The following SMC1B variants were observed in gnomAD, a reference collection of about 807,000 sequenced individuals.
SMC1B encodes structural maintenance of chromosomes 1B, also known as structural maintenance of chromosomes protein 1B.
A neutral mutation model predicts 157.9 loss-of-function variants in SMC1B; 60 were observed. The ratio of observed to expected loss-of-function variants is 0.38; its 90% CI spans 0.31 to 0.47. The LOEUF (loss-of-function observed/expected upper bound fraction) is 0.47, where lower values mean the gene tolerates loss of function less well. Among genes scored for constraint, SMC1B ranks in the 20% least tolerant of loss-of-function variants. SMC1B has a pLI of 0.99. For missense variants in SMC1B, 1,165 were observed against 1,426.2 expected (o/e 0.82, Z 2.95); for synonymous variants, 445 against 483.0 (o/e 0.92, Z 1.03).
At chr22:45,403,601 G>T (rs1425269863) in intron 4 of SMC1B, among the ~76,000 whole-genome samples, 1 of 152,168 alleles carries the variant, frequency 6.6e-6, no homozygotes, top group African/African-American at 2.4e-5. Context: ...AGACAGGCGT[G>T]TGCCACCACA....
In SMC1B at chr22:45,352,549, A is replaced by C; in HGVS notation, c.3327T>G (p.Tyr1109Ter). ...ACCGTTTGCCTGGGGCCACACAGTT[A>C]TAGCTAATTCCCTCCAAGTAAGGTT... is the stretch of plus-strand genomic sequence containing the variant. ...PEEPYLEGISYNCVAPGKRFM... is the reference protein window; with the variant it reads ...PEEPYLEGIS The change falls in exon 22 of 25, where the codon TAT (tyrosine) becomes TAG (stop). Residue 1109 changes from tyrosine (Y) to a stop codon, truncating the protein, a stop_gained. Coordinates refer to ENST00000357450, the MANE Select transcript of SMC1B (RefSeq NM_148674.5). LOFTEE classifies it high-confidence loss of function. 1 of 1,614,044 alleles carries C rather than the reference A, an allele frequency of 6.2e-7. No homozygotes were observed. The highest frequency in any genetic ancestry group is 8.5e-7 in the Non-Finnish European group (1 of 1,179,918).
At chr22:45,392,099 A>C (rs1199806206) in intron 9 of SMC1B, among the ~76,000 whole-genome samples, 1 of 152,094 alleles carries the variant, frequency 6.6e-6, no homozygotes, top group Non-Finnish European at 1.5e-5. Context: ...GGCATGCACC[A>C]CCACGCCCAG....
chr22:45,351,832 G>A (rs1334286526), intron 22 of SMC1B, among the ~76,000 whole-genome samples: 2 of 152,130 alleles, frequency 1.3e-5, no homozygotes, highest in Non-Finnish European at 2.9e-5. Flanking sequence ...CTTAATTGTA[G>A]ATAACTTTTT....
intron 15 of SMC1B, among the ~76,000 whole-genome samples, chr22:45,364,964 AGT>A (rs1569180132): frequency 2.0e-5 from 3 of 151,496 alleles, no homozygotes; most frequent in Admixed American, 2.0e-4. Context: ...CAGCCTCCCA[AGT>A]AGCTGGGACT....
At chr22:45,351,698 TCAC>T (rs2086616930) in intron 22 of SMC1B, among the ~76,000 whole-genome samples, 1 of 152,158 alleles carries the variant, frequency 6.6e-6, no homozygotes, top group African/African-American at 2.4e-5. Flanking sequence ...CAGACATGTG[TCAC>T]CACATCTGGC....
Position 45,383,492 on chromosome 22 carries a change from C to T in SMC1B, c.2033G>A (p.Arg678Gln), listed in dbSNP as rs369549470. ...CTTTAGCTCTTGGATTTTCTGGCTT[C>T]GTCTGTCTCTTAGATTCTTTAACTC... ...EKELKNLRDR[R>Q]SQKIQELKGL... Residue 678 changes from arginine (R) to glutamine (Q), a missense_variant, in exon 12 of 25, where the codon CGA becomes CAA. Arg to Gln is a conservative substitution (Grantham distance 43). Transcript: ENST00000357450. 30 of 1,601,528 alleles carry T rather than the reference C, an allele frequency of 1.9e-5. No individual in the cohort carries two copies. Among genetic ancestry groups the T allele is most frequent in the Non-Finnish European group, 2.3e-5 (27 of 1,176,356 alleles).
chr22:45,405,265 G>C (rs557027570), intron 4 of SMC1B, among the ~76,000 whole-genome samples: 3 of 152,288 alleles, frequency 2.0e-5, no homozygotes, highest in Non-Finnish European at 4.4e-5. Context: ...CGCCTTATAA[G>C]AGACAAGATT....
chr22:45,345,487 G>A lies in SMC1B; in HGVS notation c.3578C>T (p.Ala1193Val), dbSNP rs377608770. The change falls in exon 24 of 25, where the codon GCC (alanine) becomes GTC (valine). Residue 1193 changes from alanine (A) to valine (V), a missense_variant. Transcript: ENST00000357450. ...ISLKEEFYSR[A>V]DALIGIYPEY... ...AGGATAGATGCCGATCAGCGCGTCG[G>A]CTCTGGAATAGAACTCTTCTTTTAG... The A allele has an allele frequency of 5.0e-6, 8 of 1,613,562 alleles. No individual in the cohort carries two copies. Among genetic ancestry groups the A allele is most frequent in the Non-Finnish European group, 6.8e-6 (8 of 1,179,614 alleles).
At position 45,408,731 on chromosome 22, in the gene SMC1B, T is replaced by G; in HGVS notation, c.277A>C (p.Thr93Pro). Reference sequence around the variant, plus strand: ...ATACCTCGGATAATCCTTGCAAATGTTTTCTCTTCGCCACTTTCCTCCACA... The same window carrying G: ...ATACCTCGGATAATCCTTGCAAATGGTTTCTCTTCGCCACTTTCCTCCACA... ...IYVEESGEEK[T>P]FARIIRGGCS... The change falls in exon 2 of 25, where the codon ACA becomes CCA. Residue 93 changes from threonine to proline, a missense_variant. Thr to Pro is a conservative substitution (Grantham distance 38, BLOSUM62 -1). Transcript: ENST00000357450. 1 of 1,594,308 alleles carries G rather than the reference T, an allele frequency of 6.3e-7. No individual in the cohort carries two copies. Among genetic ancestry groups the G allele is most frequent in the Non-Finnish European group, 8.5e-7 (1 of 1,173,832 alleles).
intron 4 of SMC1B, 97 bp from the exon 5 acceptor site, chr22:45,402,668 T>TAAACATTCATTA: frequency 6.1e-6 from 5 of 823,872 alleles, no homozygotes; most frequent in Non-Finnish European, 9.9e-6. Context: ...AACTAATGAA[T>TAAACATTCATTA]GTTTATTTAT....
chr22:45,389,952 A>C, intron 9 of SMC1B, 55 bp from the exon 10 acceptor site: 2 of 1,409,600 alleles, frequency 1.4e-6, no homozygotes, highest in Non-Finnish European at 2.0e-6. Flanking sequence ...TGAAATATAT[A>C]ATTCATTATT....
At chr22:45,360,090 C>A in intron 17 of SMC1B, 132 bp from the exon 18 acceptor site, 1 of 655,900 alleles carries the variant, frequency 1.5e-6, no homozygotes, top group Non-Finnish European at 2.5e-6. Context: ...GTTCTAGAAT[C>A]CTCTCATTGA....
rs767331161 is a variant in SMC1B at position 45,408,820 on chromosome 22, T to C, written c.188A>G (p.Glu63Gly). 1 of 1,575,114 alleles carries C rather than the reference T, an allele frequency of 6.3e-7. No individual in the cohort carries two copies. The highest frequency in any genetic ancestry group is 1.2e-5 in the South Asian group (1 of 84,456). Residue 63 changes from glutamate to glycine, a missense_variant, in exon 2 of 25, where the codon GAA (glutamate) becomes GGA (glycine). Glu to Gly is a moderately conservative substitution (Grantham distance 98, BLOSUM62 -2). Coordinates refer to ENST00000357450, the MANE Select transcript of SMC1B (RefSeq NM_148674.5). The stretch of plus-strand genomic sequence containing the variant: ...TCCAATATGTGCTCCATGAATGAGT[T>C]CTTGAATATTTTTCACTCTTAAATT... ...IANLRVKNIQ[E>G]LIHGAHIGKP...
In SMC1B at chr22:45,352,468, G is replaced by A. The variant is rs1365733704; in HGVS notation, c.3408C>T (p.Leu1136=). 2 of 1,613,718 alleles carry A rather than the reference G, an allele frequency of 1.2e-6. No homozygotes were observed. Among genetic ancestry groups the A allele is most frequent in the Admixed American group, 3.3e-5 (2 of 59,944 alleles). Residue 1136 remains leucine (L), a synonymous_variant, in exon 22 of 25, where the codon CTC becomes CTT. Coordinates refer to ENST00000357450, the MANE Select transcript of SMC1B (RefSeq NM_148674.5). ...GACCTTACCTGTGCACAGCAAACAGGAGAGCCAAGGCTGCCACACACTTTT... is the reference window on the plus strand; with the variant it reads ...GACCTTACCTGTGCACAGCAAACAGAAGAGCCAAGGCTGCCACACACTTTT... ...GGEKCVAALA[L]LFAVHSFRPA... is the part of the protein sequence containing the mutation.
At chr22:45,410,361 A>C (rs1422781595) in intron 1 of SMC1B, among the ~76,000 whole-genome samples, 1 of 152,096 alleles carries the variant, frequency 6.6e-6, no homozygotes, top group African/African-American at 2.4e-5. Flanking sequence ...TGTCACCATC[A>C]CTATTATTTC....
At chr22:45,366,733 C>T (rs917588279) in intron 15 of SMC1B, among the ~76,000 whole-genome samples, 4 of 152,204 alleles carry the variant, frequency 2.6e-5, no homozygotes, top group African/African-American at 9.6e-5. Flanking sequence ...CTCCAAAAAA[C>T]TAAGTGCTGG....
Position 45,358,716 on chromosome 22 carries a change from G to A in SMC1B, c.2942C>T (p.Ser981Phe), listed in dbSNP as rs768600922. The change falls in exon 19 of 25, where the codon TCT becomes TTT. Residue 981 changes from serine (S) to phenylalanine (F), a missense_variant. Ser to Phe is a radical substitution (Grantham distance 155, BLOSUM62 -2). Coordinates refer to ENST00000357450, the MANE Select transcript of SMC1B (RefSeq NM_148674.5). The stretch of plus-strand genomic sequence containing the variant: ...CATTACCTTCAAATCCTCTTTTAGA[G>A]AGCTGTAGTCTATTTCAAAGGCTTC... ...KEEAFEIDYS[S>F]LKEDLKALQS... The A allele has an allele frequency of 7.5e-6, 12 of 1,608,862 alleles. No individual in the cohort carries two copies. In the South Asian group the frequency reaches 1.3e-4, roughly 18 times the overall value.
At position 45,345,004 on chromosome 22, in the gene SMC1B, G is replaced by A. The variant is rs564830346; in HGVS notation, c.3607-347C>T. Among the ~76,000 whole-genome samples, 12 of 152,260 alleles carry A rather than the reference G, an allele frequency of 7.9e-5. No homozygotes were observed. In the South Asian group the frequency reaches 1.2e-3, roughly 16 times the overall value. On this transcript the variant is annotated intron_variant, in intron 24 of 24. Coordinates refer to ENST00000357450, the MANE Select transcript of SMC1B (RefSeq NM_148674.5). ...TGAGTTCAGGTTAGTATTTTCAATG[G>A]CTTGAGAAAGGTGTGTTCACATTTT...
intron 15 of SMC1B, among the ~76,000 whole-genome samples, chr22:45,369,177 A>G (rs986964831): frequency 3.9e-5 from 6 of 152,044 alleles, no homozygotes; most frequent in Admixed American, 2.6e-4. Flanking sequence ...GCTCACTGCA[A>G]GCTCCACCTC....
Sources: allele counts gnomAD v4.1 joint callset (sites outside exome capture counted in the v4.1 genomes callset), GRCh38; gene constraint gnomAD v4.1.1; transcripts MANE v1.5; gene names NCBI Gene and HGNC (gene_info 2026-07-23, HGNC 2026-07-21).